Variants in ATP8B1 observed in about 807,000 individuals in gnomAD.
ATP8B1 encodes the protein ATPase phospholipid transporting 8B1.
A neutral mutation model predicts 149.9 loss-of-function variants in ATP8B1; 80 were observed. The observed-to-expected ratio is 0.53, with a 90% CI of 0.45 to 0.64. The LOEUF (loss-of-function observed/expected upper bound fraction) is 0.64. ATP8B1 is among the 30% of genes least tolerant of loss of function. The probability of loss-of-function intolerance (pLI) is 0.00; values close to 1 mark genes in which losing one functional copy is unlikely to be tolerated. For missense variants in ATP8B1, 1,247 were observed against 1,552.6 expected, an observed-to-expected ratio of 0.80 and a Z score of 3.31; for synonymous variants, 536 against 562.8, an observed-to-expected ratio of 0.95 and a Z score of 0.67.
At chr18:57,755,064 T>C (rs1335742711) in intron 1 of ATP8B1, among the ~76,000 whole-genome samples, 1 of 152,180 alleles carries the variant, frequency 6.6e-6, no homozygotes, top group Non-Finnish European at 1.5e-5. Context: ...ATAGAAATTG[T>C]CTTTACATCT....
At chr18:57,725,486 T>C (rs1364065160) in intron 2 of ATP8B1, among the ~76,000 whole-genome samples, 1 of 152,158 alleles carries the variant, frequency 6.6e-6, no homozygotes, top group African/African-American at 2.4e-5. Context: ...ATGCAATCTC[T>C]ATGAAAATAC....
chr18:57,684,967 A>G (rs1256321591), intron 14 of ATP8B1, 105 bp downstream of exon 14: 2 of 1,402,922 alleles, frequency 1.4e-6, no homozygotes, highest in African/African-American at 1.4e-5. Flanking sequence ...GGAGCAGGGA[A>G]GAGGCAACGA....
rs1436498469 is a variant in ATP8B1, at chr18:57,685,093, T to C, written c.1452A>G (p.Gln484=). ...TTACCTCTATTTTGTTGTGGTTGTG[T>C]TGAGAGGCATCCCGATGGTCCCCTG... ...QIYGDHRDAS[Q]HNHNKIEQVD... Residue 484 remains glutamine (Q), a synonymous_variant, in exon 14 of 28, where the codon CAA becomes CAG. Coordinates refer to ENST00000648908, the MANE Select transcript of ATP8B1 (RefSeq NM_001374385.1). 1 of 1,614,192 alleles carries C rather than the reference T, an allele frequency of 6.2e-7. No homozygotes were observed. Among genetic ancestry groups the C allele is most frequent in the Non-Finnish European group, 8.5e-7 (1 of 1,180,018 alleles).
chr18:57,684,288 T>C, intron 14 of ATP8B1, 96 bp from the exon 15 acceptor site: 8 of 1,315,002 alleles, frequency 6.1e-6, no homozygotes, highest in South Asian at 3.9e-5. Context: ...GTTTCAATTA[T>C]GCAAAAACCA....
chr18:57,656,943 GCTT>G (rs946443969), intron 22 of ATP8B1, among the ~76,000 whole-genome samples: 14 of 151,994 alleles, frequency 9.2e-5, no homozygotes, highest in African/African-American at 3.1e-4. Context: ...CTGAGGCCTG[GCTT>G]CTTCTTGGAC....
intron 1 of ATP8B1, among the ~76,000 whole-genome samples, chr18:57,756,577 C>T (rs574363492): frequency 3.9e-5 from 6 of 152,082 alleles, no homozygotes; most frequent in Non-Finnish European, 8.8e-5. Context: ...AGATTACAGG[C>T]GTGAGCCACT....
intron 1 of ATP8B1, among the ~76,000 whole-genome samples, chr18:57,763,444 T>C (rs1328007279): frequency 6.6e-6 from 1 of 152,118 alleles, no homozygotes; most frequent in Non-Finnish European, 1.5e-5. Context: ...TTTCCACAAA[T>C]TGTATCAGAA....
intron 1 of ATP8B1, among the ~76,000 whole-genome samples, chr18:57,746,640 T>C (rs2079966613): frequency 6.6e-6 from 1 of 151,946 alleles, no homozygotes; most frequent in Non-Finnish European, 1.5e-5. Context: ...CAAGCCCAGC[T>C]AATTTTTGTA....
chr18:57,713,169 TTC>T (rs1182793677), intron 2 of ATP8B1, among the ~76,000 whole-genome samples: 1 of 70,048 alleles, frequency 1.4e-5, no homozygotes, highest in South Asian at 6.2e-4. Context: ...CTTTCTTTCT[TTC>T]TTTCTTTCTT....
intron 21 of ATP8B1, among the ~76,000 whole-genome samples, chr18:57,661,696 C>CATATATATATATAT (rs1555688767): frequency 2.2e-5 from 2 of 90,400 alleles, no homozygotes; most frequent in African/African-American, 8.1e-5. Flanking sequence ...CACACACACA[C>CATATATATATATAT]ATATATATAT....
At chr18:57,687,929 G>A (rs906817436) in intron 13 of ATP8B1, among the ~76,000 whole-genome samples, 6 of 151,890 alleles carry the variant, frequency 4.0e-5, no homozygotes, top group Admixed American at 2.0e-4. Context: ...ATAGCTGTGC[G>A]CCACCACCAC....
At chr18:57,791,351 CTT>C (rs570282416) in intron 1 of ATP8B1, among the ~76,000 whole-genome samples, 6 of 82,378 alleles carry the variant, frequency 7.3e-5, no homozygotes, top group Non-Finnish European at 1.2e-4. Flanking sequence ...CTTTTCTTTT[CTT>C]TTTTTTTTTT....
intron 20 of ATP8B1, among the ~76,000 whole-genome samples, chr18:57,666,536 T>C (rs1910868734): frequency 1.5e-5 from 1 of 68,366 alleles, no homozygotes; most frequent in Non-Finnish European, 4.1e-5. Flanking sequence ...GAACCGAGTT[T>C]TTTTTTTTTT....
At chr18:57,710,304 G>A (rs780852700) in intron 2 of ATP8B1, among the ~76,000 whole-genome samples, 1 of 152,220 alleles carries the variant, frequency 6.6e-6, no homozygotes, top group Non-Finnish European at 1.5e-5. Flanking sequence ...TTTAACAGCT[G>A]CCATGTGACA....
chr18:57,673,015 A>G (rs1054870455), intron 16 of ATP8B1, among the ~76,000 whole-genome samples: 17 of 144,824 alleles, frequency 1.2e-4, no homozygotes, highest in African/African-American at 4.3e-4. Context: ...ATATACATAT[A>G]TAAATATATG....
intron 1 of ATP8B1, among the ~76,000 whole-genome samples, chr18:57,755,038 T>C (rs2080063939): frequency 6.6e-6 from 1 of 152,166 alleles, no homozygotes; most frequent in African/African-American, 2.4e-5. Flanking sequence ...GTTTATGGTG[T>C]TTGTTTTTTT....
intron 1 of ATP8B1, among the ~76,000 whole-genome samples, chr18:57,790,420 C>T (rs9946280): frequency 0.026 from 3,957 of 152,162 alleles, 175 homozygotes; most frequent in African/African-American, 0.091. Context: ...TAGTGACTTC[C>T]TATCAGGTTC....
At chr18:57,757,060 C>T (rs553768157) in intron 1 of ATP8B1, among the ~76,000 whole-genome samples, 351 of 152,326 alleles carry the variant, frequency 2.3e-3, no homozygotes, top group African/African-American at 7.9e-3. Context: ...ATCCCCTCCA[C>T]GCATATTGGT....
In ATP8B1 at chr18:57,802,885, C is replaced by A. The variant is rs2080595704; in HGVS notation, c.-26+113G>T. 6.6e-6 allele frequency: 1 copy of A among 152,438 alleles called. No individual in the cohort carries two copies. The highest frequency in any genetic ancestry group is 2.1e-4 in the South Asian group (1 of 4,842). The allele number at this position is 152,438 out of a possible 1,614,324, so 9.4% of individuals were successfully genotyped here. A position where few individuals can be genotyped will look rare whatever the true frequency, so the allele number is the denominator to read the frequency against. On this transcript the variant is annotated intron_variant, in intron 1 of 27. Transcript: ENST00000648908. This position sits in a 1 kb window ranked among gnomAD's most constrained non-coding sequence, Gnocchi z 4.9. The stretch of plus-strand genomic sequence containing the variant: ...CCGAGGGCGCTGACAGCTGCTGCCG[C>A]CGCATCCCGGATCTCCAAAGTGCGG...
Sources: allele counts gnomAD v4.1 joint callset (sites outside exome capture counted in the v4.1 genomes callset), GRCh38; gene constraint gnomAD v4.1.1; non-coding constraint Gnocchi (gnomAD v3.1); transcripts MANE v1.5; gene names NCBI Gene and HGNC (gene_info 2026-07-23, HGNC 2026-07-21).